Variants in PLCD1 observed in about 807,000 individuals in gnomAD.
PLCD1 encodes 1-phosphatidylinositol 4,5-bisphosphate phosphodiesterase delta-1.
Under a neutral mutation model 87.4 loss-of-function variants are expected in PLCD1, and 71 were observed. That is an observed-to-expected ratio of 0.81 (90% CI 0.67 to 0.99). The LOEUF is 0.99. Ranked by LOEUF, PLCD1 falls within the 50% of genes least tolerant of loss-of-function variation. The probability of loss-of-function intolerance (pLI) is 0.00; values close to 1 mark genes in which losing one functional copy is unlikely to be tolerated. For missense variants in PLCD1, 867 were observed against 1,001.5 expected (o/e 0.87, Z 1.81); for synonymous variants, 348 against 399.2 (o/e 0.87, Z 1.53).
At chr3:38,008,195 GAC>G in intron 13 of PLCD1, 32 bp from the exon 14 acceptor site, 1 of 1,613,546 alleles carries the variant, frequency 6.2e-7, no homozygotes, top group Non-Finnish European at 8.5e-7. Context: ...CAGCAGCATG[GAC>G]ACCAGCCCTA....
At chr3:38,020,387 C>T (rs1333182477) in intron 1 of PLCD1, 35 bp from the exon 2 acceptor site, 1 of 1,608,050 alleles carries the variant, frequency 6.2e-7, no homozygotes, top group African/African-American at 1.3e-5. Context: ...CCACCTTCTC[C>T]ACTAGTTTCC....
At chr3:38,013,710 G>A (rs563450408) in intron 3 of PLCD1, among the ~76,000 whole-genome samples, 1 of 152,316 alleles carries the variant, frequency 6.6e-6, no homozygotes, top group Non-Finnish European at 1.5e-5. Flanking sequence ...TTAAGGTCTA[G>A]GCAGCAGGAC....
chr3:38,025,140 G>C lies in PLCD1; in HGVS notation c.34+4366C>G, dbSNP rs891953607. Among the ~76,000 whole-genome samples the C allele has an allele frequency of 2.0e-5, 3 of 152,114 alleles. No homozygotes were observed. The highest frequency in any genetic ancestry group is 7.2e-5 in the African/African-American group (3 of 41,418). On this transcript the variant is annotated intron_variant, in intron 1 of 14. Coordinates refer to ENST00000334661, the MANE Select transcript of PLCD1 (RefSeq NM_006225.4). This position sits in a 1 kb window ranked among gnomAD's most constrained non-coding sequence, Gnocchi z 4.0. Reference sequence around the variant, plus strand: ...ACCCAGGAAGCAGCCCGGGGGCGGGGCCAGGGCCCAGGAGGCGAGCCTGGG... The same window carrying C: ...ACCCAGGAAGCAGCCCGGGGGCGGGCCCAGGGCCCAGGAGGCGAGCCTGGG...
intron 1 of PLCD1, among the ~76,000 whole-genome samples, chr3:38,021,869 A>G (rs1342855909): frequency 6.6e-6 from 1 of 151,942 alleles, no homozygotes; most frequent in Non-Finnish European, 1.5e-5. Context: ...GGCCTCTCCC[A>G]TTTTATCCAT....
rs1421780926 is a variant in PLCD1, at chr3:38,009,366, A to G, written c.1512T>C (p.Phe504=). Reference sequence around the variant, plus strand: ...GGGTGCCAGGACTGGAGAAGCCCCCAAAGTGGACACTCTTGCAGTAAATGA... The same window carrying G: ...GGGTGCCAGGACTGGAGAAGCCCCCGAAGTGGACACTCTTGCAGTAAATGA... ...DMVIYCKSVH[F]GGFSSPGTPG... Residue 504 remains phenylalanine (F), a synonymous_variant, in exon 10 of 15, where the codon TTT becomes TTC. Transcript: ENST00000334661. 1 of 1,614,008 alleles carries G rather than the reference A, an allele frequency of 6.2e-7. No individual in the cohort carries two copies. The highest frequency in any genetic ancestry group is 1.3e-5 in the African/African-American group (1 of 74,916).
rs1700051864 is a variant in PLCD1, at chr3:38,010,346, C to T, written c.992+15G>A. ...TCCCACCCAGACTCCCGACCCAAGG[C>T]TCCCTGAGCAGCACCGGATGTAGGC... On this transcript the variant is annotated intron_variant, in intron 6 of 14. Transcript: ENST00000334661. 1 of 1,614,198 alleles carries T rather than the reference C, an allele frequency of 6.2e-7. No homozygotes were observed. The highest frequency in any genetic ancestry group is 1.7e-5 in the Admixed American group (1 of 60,026).
rs1421685889 is a variant in PLCD1, at chr3:38,016,501, T to A, written c.418A>T (p.Lys140Ter). The A allele has an allele frequency of 6.2e-7, 1 of 1,611,648 alleles. No individual in the cohort carries two copies. The highest frequency in any genetic ancestry group is 8.5e-7 in the Non-Finnish European group (1 of 1,178,038). Reference protein sequence around the residue: ...HHSGSMDQRQKLQHWIHSCLR... With the variant: ...HHSGSMDQRQ ...CCACCAAAAGGATACTGCTGTAGCT[T>A]CTGACGCTGGTCCATGGAGCCTGAG... Residue 140 changes from lysine to a stop codon, truncating the protein, a stop_gained, in exon 3 of 15, where the codon AAG (lysine) becomes TAG (stop). Transcript: ENST00000334661. LOFTEE classifies it high-confidence loss of function.
At chr3:38,009,465 G>A (rs1451077835) in intron 9 of PLCD1, 34 bp from the exon 10 acceptor site, 1 of 1,612,710 alleles carries the variant, frequency 6.2e-7, no homozygotes, top group South Asian at 1.1e-5. Context: ...GTTAGATTCA[G>A]TGGTTGGGGT....
chr3:38,026,917 T>A (rs1700316724), intron 1 of PLCD1, among the ~76,000 whole-genome samples: 1 of 152,216 alleles, frequency 6.6e-6, no homozygotes, highest in Non-Finnish European at 1.5e-5. Flanking sequence ...ATGAGGCCCC[T>A]CTATTTTCTG....
chr3:38,026,953 G>A (rs571479698), intron 1 of PLCD1, among the ~76,000 whole-genome samples: 105 of 152,334 alleles, frequency 6.9e-4, no homozygotes, highest in African/African-American at 2.2e-3. Flanking sequence ...CCTCTTGCAG[G>A]GGTGGGGGCA....
chr3:38,015,635 G>T (rs1346050983), intron 3 of PLCD1, among the ~76,000 whole-genome samples: 3 of 152,166 alleles, frequency 2.0e-5, no homozygotes, highest in East Asian at 1.9e-4. Context: ...GAGAGAGCTG[G>T]CTCCACCCTA....
intron 2 of PLCD1, 140 bp downstream of exon 2, chr3:38,020,048 T>C: frequency 1.3e-6 from 1 of 793,282 alleles, no homozygotes; most frequent in Non-Finnish European, 2.2e-6. Context: ...CAGCCCAGGT[T>C]ATATAAATGA....
At chr3:38,016,744 G>A (rs532058606) in intron 2 of PLCD1, 25 bp from the exon 3 acceptor site, 1 of 1,474,622 alleles carries the variant, frequency 6.8e-7, no homozygotes, top group African/African-American at 1.4e-5. Context: ...TGGTGGAGGA[G>A]AGAGGGAGAG....
intron 5 of PLCD1, 93 bp downstream of exon 5, chr3:38,011,121 G>T: frequency 2.0e-6 from 2 of 988,112 alleles, no homozygotes; most frequent in Non-Finnish European, 3.0e-6. Context: ...CCTTCCCTCC[G>T]GTTCCCTTCT....
chr3:38,025,252 G>A lies in PLCD1; in HGVS notation c.34+4254C>T, dbSNP rs1330732651. Among the ~76,000 whole-genome samples, 1 of 152,218 alleles carries A rather than the reference G, an allele frequency of 6.6e-6. No homozygotes were observed. The highest frequency in any genetic ancestry group is 2.4e-5 in the African/African-American group (1 of 41,454). On this transcript the variant is annotated intron_variant, in intron 1 of 14. Transcript: ENST00000334661. The surrounding 1 kb of genome is among the most constrained non-coding windows in gnomAD (Gnocchi z 4.0). ...CGGTGCGGGGGCGGAGCCAGGGTCC[G>A]GGAGGCAGTGTGGGCGGGGTCTGAC...
In PLCD1 at chr3:38,008,037, A is replaced by C; in HGVS notation, c.2162T>G (p.Ile721Ser). The C allele has an allele frequency of 6.2e-7, 1 of 1,614,150 alleles. No homozygotes were observed. Among genetic ancestry groups the C allele is most frequent in the Non-Finnish European group, 8.5e-7 (1 of 1,180,016 alleles). ...ACCTTGCTTGAGGCTGTTCAAGGGG[A>C]TGGTACTCTGGCCAATGAAGTCATT... ...SKNDFIGQSTIPLNSLKQGYR... is the reference protein window; with the variant it reads ...SKNDFIGQSTSPLNSLKQGYR... The change falls in exon 14 of 15, where the codon ATC becomes AGC. Residue 721 changes from isoleucine (I) to serine (S), a missense_variant. Physicochemically the swap from Ile to Ser is moderately radical, Grantham distance 142. Transcript: ENST00000334661.
At position 38,007,833 on chromosome 3, in the gene PLCD1, A is replaced by AGAC; in HGVS notation, c.2208_2210dup (p.Ser737dup). 1.2e-6 allele frequency: 2 copies of AGAC among 1,614,192 alleles called. No individual in the cohort carries two copies. Among genetic ancestry groups the AGAC allele is most frequent in the Non-Finnish European group, 8.5e-7 (1 of 1,179,984 alleles). The stretch of plus-strand genomic sequence containing the variant: ...CTGATGGATGCTGGTCCCCGTTCTT[A>AGAC]GACATGAGGTGGACATGGCGGTATC... On this transcript the variant is annotated inframe_insertion, in exon 15 of 15. Coordinates refer to ENST00000334661, the MANE Select transcript of PLCD1 (RefSeq NM_006225.4).
At chr3:38,027,433 A>G (rs1575359805) in intron 1 of PLCD1, among the ~76,000 whole-genome samples, 1 of 152,242 alleles carries the variant, frequency 6.6e-6, no homozygotes, top group African/African-American at 2.4e-5. Context: ...TTTACAGATG[A>G]GGAAACTGAC....
intron 1 of PLCD1, among the ~76,000 whole-genome samples, chr3:38,023,305 C>A (rs1408568553): frequency 6.6e-6 from 1 of 152,140 alleles, no homozygotes; most frequent in African/African-American, 2.4e-5. Flanking sequence ...ACACACTGCC[C>A]CCCAAAATTA....
Sources: allele counts gnomAD v4.1 joint callset (sites outside exome capture counted in the v4.1 genomes callset), GRCh38; gene constraint gnomAD v4.1.1; non-coding constraint Gnocchi (gnomAD v3.1); transcripts MANE v1.5; gene names NCBI Gene and HGNC (gene_info 2026-07-23, HGNC 2026-07-21).